SHF: variants seen among roughly 807,000 people sequenced by gnomAD.
SHF encodes the protein SH2 domain-containing adapter protein F.
A neutral mutation model predicts 42.4 loss-of-function variants in SHF; 30 were observed. The ratio of observed to expected loss-of-function variants is 0.71; its 90% CI spans 0.53 to 0.96. The LOEUF (loss-of-function observed/expected upper bound fraction) is 0.96, where lower values mean the gene tolerates loss of function less well. Ranked by LOEUF, SHF falls within the 40% of genes least tolerant of loss-of-function variation. The pLI is 0.00. For missense variants in SHF, 598 were observed against 634.0 expected, an observed-to-expected ratio of 0.94 and a Z score of 0.61; for synonymous variants, 264 against 269.9, an observed-to-expected ratio of 0.98 and a Z score of 0.21.
At chr15:45,169,051 T>G (rs933735800) in intron 6 of SHF, among the ~76,000 whole-genome samples, 2 of 152,088 alleles carry the variant, frequency 1.3e-5, no homozygotes, top group African/African-American at 4.8e-5. Context: ...GTGAGGAATG[T>G]TTTGGGGAGC....
At chr15:45,200,482 G>C (rs567792817) in intron 1 of SHF, 11 of 341,948 alleles carry the variant, frequency 3.2e-5, no homozygotes, top group East Asian at 7.4e-5. Context: ...ATACGATCAC[G>C]GCGAGCTACT....
At chr15:45,185,368 G>A (rs1898336962) in intron 1 of SHF, among the ~76,000 whole-genome samples, 1 of 152,238 alleles carries the variant, frequency 6.6e-6, no homozygotes, top group South Asian at 2.1e-4. Flanking sequence ...CTTAGGTTTA[G>A]GGTAAGGGAC....
At position 45,187,739 on chromosome 15, in the gene SHF, G is replaced by T; in HGVS notation, c.213C>A (p.Pro71=). 4.1e-6 allele frequency: 4 copies of T among 982,988 alleles called. No homozygotes were observed. The highest frequency in any genetic ancestry group is 5.2e-6 in the Non-Finnish European group (4 of 765,786). The allele number at this position is 982,988 out of a possible 1,614,324, so 60.9% of individuals were successfully genotyped here. Residue 71 remains proline (P), a synonymous_variant, in exon 1 of 7, where the codon CCC becomes CCA. Coordinates refer to ENST00000690270, the MANE Select transcript of SHF (RefSeq NM_001394037.1). The part of the protein sequence containing the change: ...GGGGGGSKPA[P]PEPDYRPPAP... ...CAGGGGGGCGGTAGTCGGGCTCGGGGGGCGCCGGCTTGCTGCCCCCTCCGC... is the reference window on the plus strand; with the variant it reads ...CAGGGGGGCGGTAGTCGGGCTCGGGTGGCGCCGGCTTGCTGCCCCCTCCGC...
chr15:45,187,740 G>T lies in SHF; in HGVS notation c.212C>A (p.Pro71His). Residue 71 changes from proline (P) to histidine (H), a missense_variant, in exon 1 of 7, where the codon CCC (proline) becomes CAC (histidine). Physicochemically the swap from Pro to His is moderately conservative, Grantham distance 77. This residue lies in a region of SHF where 159 missense variants were observed against 109.3 expected (regional missense o/e 1.45). Coordinates refer to ENST00000690270, the MANE Select transcript of SHF (RefSeq NM_001394037.1). ...GGGGGGSKPA[P>H]PEPDYRPPAP... is the part of the protein sequence containing the mutation. Reference sequence around the variant, plus strand: ...AGGGGGGCGGTAGTCGGGCTCGGGGGGCGCCGGCTTGCTGCCCCCTCCGCC... The same window carrying T: ...AGGGGGGCGGTAGTCGGGCTCGGGGTGCGCCGGCTTGCTGCCCCCTCCGCC... The T allele has an allele frequency of 1.0e-6, 1 of 982,172 alleles. No individual in the cohort carries two copies. Among genetic ancestry groups the T allele is most frequent in the South Asian group, 5.1e-5 (1 of 19,782 alleles). 60.8% of individuals were successfully genotyped at this position (982,172 alleles called of 1,614,324 possible). A position where few individuals can be genotyped will look rare whatever the true frequency, so the allele number is the denominator to read the frequency against.
chr15:45,200,615 G>A (rs1261976053), intron 1 of SHF: 2 of 411,074 alleles, frequency 4.9e-6, no homozygotes, highest in Admixed American at 2.7e-5. Context: ...CCATCTGAGG[G>A]CACGCAAGAG....
chr15:45,198,773 G>A lies in SHF; in HGVS notation c.302C>T (p.Pro101Leu), dbSNP rs199662544. ...CGCGTCATTAAATGGCCTACTTACG[G>A]GGCGAGGTTCCAGCCTGTCCCTGAG... Residue 101 changes from proline (P) to leucine (L), a missense_variant and splice_region_variant, in exon 2 of 8, where the codon CCC becomes CTC. By Grantham distance (98) the Pro-to-Leu change is moderately conservative. Transcript: ENST00000290894. 2.6e-5 allele frequency: 42 copies of A among 1,607,930 alleles called. No homozygotes were observed. The African/African-American group carries it at 5.4e-4, about 20-fold the overall frequency.
At chr15:45,198,801 T>C (rs1420497210) in exon 2 of SHF, 23 of 1,613,638 alleles carry the variant, frequency 1.4e-5, no homozygotes, top group Non-Finnish European at 1.9e-5. Flanking sequence ...TCCCTGAGTC[T>C]GATAATGCGC....
Position 45,187,768 on chromosome 15 carries a change from C to CG in SHF, c.183dup (p.Gly62ArgfsTer93). Reference sequence around the variant, plus strand: ...GCCGGCTTGCTGCCCCCTCCGCCGCCGCCCCCCCCGCGGAAGCCCAGGTGC... The same window carrying CG: ...GCCGGCTTGCTGCCCCCTCCGCCGCCGGCCCCCCCCGCGGAAGCCCAGGTGC... On this transcript the variant is annotated frameshift_variant, in exon 1 of 7. Transcript: ENST00000690270. LOFTEE classifies it high-confidence loss of function. 1 of 905,520 alleles carries CG rather than the reference C, an allele frequency of 1.1e-6. No homozygotes were observed. Among genetic ancestry groups the CG allele is most frequent in the Non-Finnish European group, 1.4e-6 (1 of 699,268 alleles). The allele number at this position is 905,520 out of a possible 1,614,324, so 56.1% of individuals were successfully genotyped here.
chr15:45,198,672 C>G, intron 2 of SHF: 1 of 1,468,546 alleles, frequency 6.8e-7, no homozygotes, highest in South Asian at 1.3e-5. Context: ...ACTATACGAT[C>G]ACGGCGAGCT....
At chr15:45,173,234 G>A (rs899182069) in intron 4 of SHF, among the ~76,000 whole-genome samples, 26 of 152,232 alleles carry the variant, frequency 1.7e-4, no homozygotes, top group African/African-American at 6.3e-4. Flanking sequence ...GCTCCTCTGC[G>A]CCAAGGAGTT....
In SHF at chr15:45,187,914, G is replaced by C; in HGVS notation, c.38C>G (p.Pro13Arg). Residue 13 changes from proline to arginine, a missense_variant, in exon 1 of 7, where the codon CCG (proline) becomes CGG (arginine). This residue lies in a region of SHF where 159 missense variants were observed against 109.3 expected (regional missense o/e 1.45). Coordinates refer to ENST00000690270, the MANE Select transcript of SHF (RefSeq NM_001394037.1). ...LSGAPPAGSRPGPRTQGSAGG... is the reference protein window; with the variant it reads ...LSGAPPAGSRRGPRTQGSAGG... ...AGCGCTCCCCTGCGTTCGCGGCCCC[G>C]GGCGGGAGCCAGCCGGAGGAGCTCC... is the stretch of plus-strand genomic sequence containing the variant. The C allele has an allele frequency of 8.5e-7, 1 of 1,179,992 alleles. No homozygotes were observed. Among genetic ancestry groups the C allele is most frequent in the Non-Finnish European group, 1.0e-6 (1 of 954,798 alleles). 73.1% of individuals were successfully genotyped at this position (1,179,992 alleles called of 1,614,324 possible). A position where few individuals can be genotyped will look rare whatever the true frequency, so the allele number is the denominator to read the frequency against.
chr15:45,180,194 A>T (rs1898054307), intron 1 of SHF, among the ~76,000 whole-genome samples: 1 of 152,206 alleles, frequency 6.6e-6, no homozygotes, highest in Admixed American at 6.5e-5. Flanking sequence ...AGCACCTGGC[A>T]TACAGTAGGC....
At position 45,178,352 on chromosome 15, in the gene SHF, C is replaced by A. The variant is rs571626636; in HGVS notation, c.499-46G>T. 6.3e-6 allele frequency: 10 copies of A among 1,588,920 alleles called. No homozygotes were observed. In the African/African-American group the frequency reaches 1.2e-4, roughly 19 times the overall value. On this transcript the variant is annotated intron_variant, in intron 1 of 6. Coordinates refer to ENST00000690270, the MANE Select transcript of SHF (RefSeq NM_001394037.1). Reference sequence around the variant, plus strand: ...GAGTGGGCTTCAGGGAGCAGAGAGGCAACTCTGCTTCTCCCAAGGTACTCT... The same window carrying A: ...GAGTGGGCTTCAGGGAGCAGAGAGGAAACTCTGCTTCTCCCAAGGTACTCT...
intron 6 of SHF, among the ~76,000 whole-genome samples, chr15:45,168,424 C>G (rs1349087428): frequency 1.3e-5 from 2 of 152,322 alleles, no homozygotes; most frequent in South Asian, 2.1e-4. Flanking sequence ...AGCACCTCCC[C>G]CGACCCCTGC....
upstream of SHF, among the ~76,000 whole-genome samples, chr15:45,189,525 A>AT (rs955455413): frequency 3.2e-4 from 48 of 149,868 alleles, no homozygotes; most frequent in African/African-American, 1.2e-3. Flanking sequence ...AGTAGCTGGG[A>AT]TTACAAGCGT....
chr15:45,172,505 G>A (rs1274600456), intron 4 of SHF, among the ~76,000 whole-genome samples, 187 bp from the exon 5 acceptor site: 1 of 152,172 alleles, frequency 6.6e-6, no homozygotes, highest in East Asian at 1.9e-4. Context: ...CTATCCCCTG[G>A]TGGGGGTGGG....
intron 6 of SHF, 63 bp downstream of exon 6, chr15:45,171,820 G>A: frequency 6.4e-7 from 1 of 1,553,748 alleles, no homozygotes; most frequent in South Asian, 1.2e-5. Flanking sequence ...GGGCATAAGG[G>A]GAATACTGGA....
chr15:45,180,412 G>A (rs552569340), intron 1 of SHF, among the ~76,000 whole-genome samples: 9 of 152,274 alleles, frequency 5.9e-5, no homozygotes, highest in South Asian at 2.1e-4. Flanking sequence ...TCTGTCAGTC[G>A]GCAGCCAGCA....
At chr15:45,195,174 T>C (rs1898828393) in intron 2 of SHF, among the ~76,000 whole-genome samples, 1 of 152,232 alleles carries the variant, frequency 6.6e-6, no homozygotes, top group Non-Finnish European at 1.5e-5. Context: ...CAAATGAACA[T>C]ACCTCAGTTT....
Sources: gnomAD v4.1 joint callset for allele counts (sites outside exome capture counted in the v4.1 genomes callset) on GRCh38, gnomAD v4.1.1 for gene constraint, gnomAD v4.1.1 regional missense constraint, MANE v1.5 for transcripts, NCBI Gene and HGNC (gene_info 2026-07-23, HGNC 2026-07-21) for gene names.